The following GBF1 variants were observed in gnomAD, a reference collection of about 807,000 sequenced individuals.
GBF1 encodes the protein golgi brefeldin A resistant guanine nucleotide exchange factor 1, also known as Golgi-specific brefeldin A-resistance guanine nucleotide exchange factor 1.
In GBF1, 114 loss-of-function variants were observed where a neutral mutation model predicts 210.5. That is an observed-to-expected ratio of 0.54 (90% CI 0.47 to 0.63). GBF1 has a LOEUF of 0.63. Ranked by LOEUF, GBF1 falls within the 30% of genes least tolerant of loss-of-function variation. The pLI is 0.00. For missense variants in GBF1, 1,851 were observed against 2,357.7 expected (o/e 0.79, Z 4.45); for synonymous variants, 850 against 889.2 (o/e 0.96, Z 0.78).
chr10:102,313,927 A>T (rs1457591859), intron 3 of GBF1, among the ~76,000 whole-genome samples: 1 of 151,990 alleles, frequency 6.6e-6, no homozygotes, highest in African/African-American at 2.4e-5. Context: ...GTATTTTCCC[A>T]CCTCTACCCT....
In GBF1 at chr10:102,359,312, T is replaced by C. The variant is rs757439503; in HGVS notation, c.1057T>C (p.Ser353Pro). 64 of 1,611,862 alleles carry C rather than the reference T, an allele frequency of 4.0e-5. No homozygotes were observed. Among genetic ancestry groups the C allele is most frequent in the Non-Finnish European group, 5.0e-5 (59 of 1,178,224 alleles). ...VEKSQSASVESIPEVLEECTS... is the reference protein window; with the variant it reads ...VEKSQSASVEPIPEVLEECTS... ...AAAGTCCCAGTCAGCATCTGTGGAG[T>C]CCATCCCTGAAGTGTTAGAGGAGTG... The change falls in exon 11 of 40, where the codon TCC (serine) becomes CCC (proline). Residue 353 changes from serine (S) to proline (P), a missense_variant. Coordinates refer to ENST00000369983, the MANE Select transcript of GBF1 (RefSeq NM_001377137.1).
chr10:102,341,215 A>G (rs1210689230), intron 3 of GBF1, among the ~76,000 whole-genome samples: 1 of 152,248 alleles, frequency 6.6e-6, no homozygotes, highest in East Asian at 1.9e-4. Context: ...GTTCAACATA[A>G]TTAGTCATTA....
chr10:102,277,118 G>A (rs2075058512), intron 3 of GBF1, among the ~76,000 whole-genome samples: 1 of 152,218 alleles, frequency 6.6e-6, no homozygotes, highest in East Asian at 1.9e-4. Context: ...CTTGAGCTCA[G>A]GAATTTGAGA....
intron 1 of GBF1, among the ~76,000 whole-genome samples, chr10:102,257,106 A>C (rs181140838): frequency 6.6e-6 from 1 of 152,330 alleles, no homozygotes; most frequent in Admixed American, 6.5e-5. Context: ...CCCTGTTTTC[A>C]CAGCACCTTC....
At position 102,370,726 on chromosome 10, in the gene GBF1, T is replaced by C. The variant is rs1450494383; in HGVS notation, c.3526T>C (p.Trp1176Arg). ...LENRDRVGCV[W>R]QTVRDHLYHL... ...ACACAGGGATCGTGTGGGCTGTGTG[T>C]GGCAGACTGTTCGAGACCATCTATA... The change falls in exon 29 of 40, where the codon TGG becomes CGG. Residue 1176 changes from tryptophan (W) to arginine (R), a missense_variant. Transcript: ENST00000369983. The C allele has an allele frequency of 1.9e-6, 3 of 1,613,956 alleles. No individual in the cohort carries two copies. Among genetic ancestry groups the C allele is most frequent in the Non-Finnish European group, 2.5e-6 (3 of 1,179,926 alleles).
chr10:102,253,203 A>G (rs2071832727), intron 1 of GBF1, among the ~76,000 whole-genome samples: 1 of 152,126 alleles, frequency 6.6e-6, no homozygotes, highest in Admixed American at 6.5e-5. Context: ...CCGAGGGGCT[A>G]TTTTAGACAA....
rs1171804695 is a variant in GBF1 at position 102,379,924 on chromosome 10, C to G, written c.4848C>G (p.Thr1616=). 1 of 1,612,378 alleles carries G rather than the reference C, an allele frequency of 6.2e-7. No homozygotes were observed. Among genetic ancestry groups the G allele is most frequent in the East Asian group, 2.2e-5 (1 of 44,860 alleles). Residue 1616 remains threonine, a synonymous_variant, in exon 36 of 40, where the codon ACC becomes ACG. Coordinates refer to ENST00000369983, the MANE Select transcript of GBF1 (RefSeq NM_001377137.1). The stretch of plus-strand genomic sequence containing the variant: ...CAGATGTGGGTGGGATGGAGGAGAC[C>G]CGGATGAGGGCTTCCACATTGCTCT... The part of the protein sequence containing the change: ...SPADVGGMEE[T]RMRASTLLSK...
upstream of GBF1, chr10:102,245,399 C>T (rs2070714539): frequency 6.6e-6 from 1 of 152,236 alleles, no homozygotes. Context: ...TCTTTAGGCA[C>T]TACCCGCCTC....
At chr10:102,349,813 A>G (rs189955754) in intron 4 of GBF1, among the ~76,000 whole-genome samples, 41 of 152,250 alleles carry the variant, frequency 2.7e-4, no homozygotes, top group Middle Eastern at 3.4e-3. Flanking sequence ...TATTTAATAC[A>G]TGAATGGGAG....
intron 17 of GBF1, among the ~76,000 whole-genome samples, chr10:102,364,767 T>A (rs1479406791): frequency 6.6e-6 from 1 of 151,756 alleles, no homozygotes; most frequent in East Asian, 2.0e-4. Flanking sequence ...GAGAATCAGT[T>A]GAACCTGGGA....
chr10:102,262,581 G>A (rs1227493103), intron 3 of GBF1, among the ~76,000 whole-genome samples: 1 of 152,180 alleles, frequency 6.6e-6, no homozygotes, highest in Non-Finnish European at 1.5e-5. Context: ...GATCACCCTG[G>A]CCTTGTAGGC....
rs1352333777 is a variant in GBF1, at chr10:102,379,264, G to GC, written c.4495-15dup. On this transcript the variant is annotated intron_variant, in intron 33 of 39. Coordinates refer to ENST00000369983, the MANE Select transcript of GBF1 (RefSeq NM_001377137.1). ...CGAGACCTAACCCCACTCACATCCT[G>GC]CCCCCTCCTGTGATCCTAGTTGCTA... 1 of 1,608,650 alleles carries GC rather than the reference G, an allele frequency of 6.2e-7. No individual in the cohort carries two copies. Among genetic ancestry groups the GC allele is most frequent in the Admixed American group, 1.7e-5 (1 of 59,770 alleles).
chr10:102,238,365 T>C, the GBF1 span, among the ~76,000 whole-genome samples: 1 of 152,230 alleles, frequency 6.6e-6, no homozygotes, highest in Non-Finnish European at 1.5e-5. Context: ...GTCCTGAACC[T>C]GAGTCCTGGG....
upstream of GBF1, among the ~76,000 whole-genome samples, chr10:102,242,664 C>T (rs2070567226): frequency 2.0e-5 from 3 of 151,998 alleles, 1 homozygote; most frequent in South Asian, 6.2e-4. Context: ...CACTGTGGCT[C>T]ATGCCTGTAA....
chr10:102,316,334 G>A lies in GBF1; in HGVS notation c.164-27717G>A, dbSNP rs12784822. ...ACTTCTGACCTCAGGTGATCCGCCC[G>A]CCTTAGCCTCCCAAAGCGCTGGGAT... is the stretch of plus-strand genomic sequence containing the variant. On this transcript the variant is annotated intron_variant, in intron 3 of 39. Coordinates refer to ENST00000369983, the MANE Select transcript of GBF1 (RefSeq NM_001377137.1). 5.6e-3 allele frequency among the ~76,000 whole-genome samples: 846 copies of A among 152,156 alleles called. 5 individuals carry two copies. Among genetic ancestry groups the A allele is most frequent in the Non-Finnish European group, 9.6e-3 (652 of 67,994 alleles).
At chr10:102,334,676 C>T (rs1007827828) in intron 3 of GBF1, among the ~76,000 whole-genome samples, 4 of 152,108 alleles carry the variant, frequency 2.6e-5, no homozygotes, top group Non-Finnish European at 2.9e-5. Context: ...GGTGAAACCC[C>T]GTCTCTACTG....
chr10:102,254,838 G>A (rs550855185), intron 1 of GBF1, among the ~76,000 whole-genome samples: 58 of 152,066 alleles, frequency 3.8e-4, no homozygotes, highest in Admixed American at 7.9e-4. Flanking sequence ...ACTTTTATGA[G>A]GTTTCTGCAG....
At chr10:102,367,778 T>C (rs2059990857) in intron 21 of GBF1, among the ~76,000 whole-genome samples, 1 of 152,164 alleles carries the variant, frequency 6.6e-6, no homozygotes, top group Non-Finnish European at 1.5e-5. Context: ...TCCAAAGTGC[T>C]GCTCTTAAGT....
At chr10:102,339,680 T>C (rs1468519506) in intron 3 of GBF1, among the ~76,000 whole-genome samples, 1 of 151,850 alleles carries the variant, frequency 6.6e-6, no homozygotes, top group Non-Finnish European at 1.5e-5. Flanking sequence ...AAAAAAAGAC[T>C]TAGTATATAT....
Sources: allele counts gnomAD v4.1 joint callset (sites outside exome capture counted in the v4.1 genomes callset), GRCh38; gene constraint gnomAD v4.1.1; transcripts MANE v1.5; gene names NCBI Gene and HGNC (gene_info 2026-07-23, HGNC 2026-07-21).